Variants in APELA observed in about 807,000 individuals in gnomAD.
APELA encodes apelin receptor early endogenous ligand.
intron 2 of APELA, among the ~76,000 whole-genome samples, chr4:164,885,819 C>T (rs1037641064): frequency 8.6e-5 from 13 of 151,848 alleles, no homozygotes; most frequent in African/African-American, 2.7e-4. Flanking sequence ...GACTTGTTCT[C>T]ACTAGACACA....
At chr4:164,885,401 G>C (rs1730751754) in intron 2 of APELA, among the ~76,000 whole-genome samples, 1 of 151,974 alleles carries the variant, frequency 6.6e-6, no homozygotes, top group African/African-American at 2.4e-5. Context: ...AAAGTGCTAG[G>C]GTTACAGGTG....
chr4:164,884,518 T>C (rs1383150404), intron 2 of APELA, among the ~76,000 whole-genome samples: 1 of 152,148 alleles, frequency 6.6e-6, no homozygotes, highest in Non-Finnish European at 1.5e-5. Context: ...CCTTACAATA[T>C]ATACCTTTCC....
intron 2 of APELA, among the ~76,000 whole-genome samples, chr4:164,885,716 G>A (rs1730757351): frequency 6.6e-6 from 1 of 151,842 alleles, no homozygotes; most frequent in Non-Finnish European, 1.5e-5. Context: ...ACTCCAGCCT[G>A]GGTGACAGAG....
intron 2 of APELA, among the ~76,000 whole-genome samples, chr4:164,888,473 G>A (rs768014223): frequency 2.0e-5 from 3 of 152,320 alleles, no homozygotes; most frequent in Non-Finnish European, 2.9e-5. Context: ...CTAGAATCAG[G>A]GGAGGAGGGA....
chr4:164,889,674 G>A (rs754310007), intron 2 of APELA, among the ~76,000 whole-genome samples: 3 of 152,174 alleles, frequency 2.0e-5, no homozygotes, highest in Non-Finnish European at 4.4e-5. Flanking sequence ...TAGGCATTAA[G>A]AGACGGTCAC....
intron 1 of APELA, among the ~76,000 whole-genome samples, chr4:164,877,985 A>G (rs1051388876): frequency 7.2e-5 from 11 of 152,160 alleles, no homozygotes; most frequent in African/African-American, 2.7e-4. Context: ...ATGTATGATA[A>G]AGATACATAA....
At chr4:164,885,420 C>G (rs1039771813) in intron 2 of APELA, among the ~76,000 whole-genome samples, 2 of 151,112 alleles carry the variant, frequency 1.3e-5, no homozygotes, top group Admixed American at 1.3e-4. Flanking sequence ...TGTGATCCAT[C>G]GTGCCCAGCC....
In APELA at chr4:164,896,959, G is replaced by C. The variant is rs925561248; in HGVS notation, c.*1545G>C. On this transcript the variant is annotated 3_prime_UTR_variant, in exon 3 of 3. Coordinates refer to ENST00000507152, the MANE Select transcript of APELA (RefSeq NM_001297550.2). ...TGACTAATTTTTGTATTTTTTTGTA[G>C]AGATGGAGTATCGCCATGTTGCCCA... 2.6e-5 allele frequency: 4 copies of C among 151,988 alleles called. No homozygotes were observed. The highest frequency in any genetic ancestry group is 9.7e-5 in the African/African-American group (4 of 41,326). The allele number at this position is 151,988 out of a possible 1,614,324, so 9.4% of individuals were successfully genotyped here.
chr4:164,890,598 C>A (rs1365346808), intron 2 of APELA, among the ~76,000 whole-genome samples: 1 of 152,196 alleles, frequency 6.6e-6, no homozygotes, highest in Non-Finnish European at 1.5e-5. Flanking sequence ...CGACTGAATA[C>A]AATTCCATGA....
Position 164,884,241 on chromosome 4 carries a change from AAAG to A in APELA, c.*1+5237_*1+5239del, listed in dbSNP as rs942289984. Among the ~76,000 whole-genome samples, 23 of 152,194 alleles carry A rather than the reference AAAG, an allele frequency of 1.5e-4. No individual in the cohort carries two copies. In the South Asian group the frequency reaches 1.7e-3, roughly 11 times the overall value. On this transcript the variant is annotated intron_variant, in intron 2 of 2. Transcript: ENST00000507152. ...AAAAGAGGAAGGAAGAGAAGGAAAG[AAAG>A]AAGAGTTCCACCATTGACTCCATAG...
At chr4:164,884,283 C>A (rs531311570) in intron 2 of APELA, among the ~76,000 whole-genome samples, 1 of 152,100 alleles carries the variant, frequency 6.6e-6, no homozygotes, top group Non-Finnish European at 1.5e-5. Flanking sequence ...TCTCTAGCGA[C>A]CAGCCCATGT....
In APELA at chr4:164,895,890, G is replaced by C. The variant is rs144302892; in HGVS notation, c.*476G>C. 2.0e-5 allele frequency: 3 copies of C among 152,128 alleles called. No individual in the cohort carries two copies. Among genetic ancestry groups the C allele is most frequent in the Non-Finnish European group, 4.4e-5 (3 of 68,024 alleles). The allele number at this position is 152,128 out of a possible 1,614,324, so 9.4% of individuals were successfully genotyped here. ...TGAAATCAATTGCATTGACCATTTGGCTTCGCACAATAGGGAGAAAATAAT... is the reference window on the plus strand; with the variant it reads ...TGAAATCAATTGCATTGACCATTTGCCTTCGCACAATAGGGAGAAAATAAT... On this transcript the variant is annotated 3_prime_UTR_variant, in exon 3 of 3. Coordinates refer to ENST00000507152, the MANE Select transcript of APELA (RefSeq NM_001297550.2).
Position 164,877,311 on chromosome 4 carries a change from C to T in APELA, c.-21C>T, listed in dbSNP as rs1472593034. ...TTGGTTTACATTGAGAGTCATTGCT[C>T]TACTTTTGTGCGGTAGGAAAATGAG... On this transcript the variant is annotated 5_prime_UTR_variant, in exon 1 of 3. Transcript: ENST00000507152. 2.0e-5 allele frequency: 8 copies of T among 398,840 alleles called. No homozygotes were observed. The highest frequency in any genetic ancestry group is 3.5e-5 in the Non-Finnish European group (8 of 226,014). The allele number at this position is 398,840 out of a possible 1,614,324, so 24.7% of individuals were successfully genotyped here.
intron 2 of APELA, among the ~76,000 whole-genome samples, chr4:164,887,803 G>C (rs186618595): frequency 1.7e-3 from 257 of 152,118 alleles, no homozygotes; most frequent in African/African-American, 6.0e-3. Context: ...GTAGAGACAG[G>C]GTTTCACCAT....
At position 164,878,969 on chromosome 4, in the gene APELA, G is replaced by A. The variant is rs536449680; in HGVS notation, c.126G>A (p.Arg42=). 7 of 398,944 alleles carry A rather than the reference G, an allele frequency of 1.8e-5. No individual in the cohort carries two copies. The South Asian group carries it at 7.6e-4, about 44-fold the overall frequency. The allele number at this position is 398,944 out of a possible 1,614,324, so 24.7% of individuals were successfully genotyped here. Residue 42 remains arginine, a synonymous_variant, in exon 2 of 3, where the codon AGG becomes AGA. Transcript: ENST00000507152. The part of the protein sequence containing the change: ...RKLRKHNCLQ[R]RCMPLHSRVP... ...TGCGCAAACACAATTGCCTTCAGAG[G>A]AGATGTATGCCTCTCCATTCACGAG...
At chr4:164,894,435 T>C (rs368419670) in intron 2 of APELA, among the ~76,000 whole-genome samples, 68 of 151,328 alleles carry the variant, frequency 4.5e-4, no homozygotes, top group African/African-American at 1.5e-3. Context: ...TTTTATTTTT[T>C]TGAGAGAGTC....
chr4:164,884,703 A>T (rs1258500347), intron 2 of APELA, among the ~76,000 whole-genome samples: 1 of 152,138 alleles, frequency 6.6e-6, no homozygotes, highest in Non-Finnish European at 1.5e-5. Flanking sequence ...GATCTGTAAG[A>T]TGGAAATTGT....
chr4:164,884,044 GGAAA>G (rs1322590873), intron 2 of APELA, among the ~76,000 whole-genome samples: 2 of 136,664 alleles, frequency 1.5e-5, no homozygotes, highest in Non-Finnish European at 3.2e-5. Context: ...GAAGAAAAAA[GGAAA>G]GAAAGAAACA....
chr4:164,885,242 T>A (rs1355639209), intron 2 of APELA, among the ~76,000 whole-genome samples: 2 of 152,052 alleles, frequency 1.3e-5, no homozygotes, highest in Admixed American at 6.6e-5. Context: ...GCAATTCTCC[T>A]GCCTCAGCCT....
Sources: gnomAD v4.1 joint callset for allele counts (sites outside exome capture counted in the v4.1 genomes callset) on GRCh38, gnomAD v4.1.1 for gene constraint, MANE v1.5 for transcripts, NCBI Gene and HGNC (gene_info 2026-07-23, HGNC 2026-07-21) for gene names.